EFCAB6: variants seen among roughly 807,000 people sequenced by gnomAD.
EFCAB6 encodes the protein EF-hand calcium binding domain 6, also known as EF-hand calcium-binding domain-containing protein 6.
In EFCAB6, 156 loss-of-function variants were observed where a neutral mutation model predicts 169.8. The observed-to-expected ratio is 0.92, with a 90% confidence interval of 0.81 to 1.05. The LOEUF is 1.05. EFCAB6 is among the 50% of genes least tolerant of loss of function. EFCAB6 has a pLI of 0.00. For synonymous variants in EFCAB6, 698 were observed against 676.4 expected, an observed-to-expected ratio of 1.03 and a Z score of -0.50; for missense variants, 1,800 against 1,829.1, an observed-to-expected ratio of 0.98 and a Z score of 0.29.
intron 20 of EFCAB6, among the ~76,000 whole-genome samples, chr22:43,619,293 T>A (rs2053961809): frequency 6.6e-6 from 1 of 152,218 alleles, no homozygotes; most frequent in South Asian, 2.1e-4. Flanking sequence ...ACGTTAGGAC[T>A]TGCAGTCTAA....
intron 4 of EFCAB6, 25 bp downstream of exon 4, chr22:43,772,867 T>C (rs1346623308): frequency 1.2e-6 from 2 of 1,612,118 alleles, no homozygotes. Context: ...ATTGAGGGAT[T>C]CTAAGTATGT....
At chr22:43,745,837 A>G (rs2060542405) in intron 6 of EFCAB6, among the ~76,000 whole-genome samples, 1 of 152,228 alleles carries the variant, frequency 6.6e-6, no homozygotes, top group Non-Finnish European at 1.5e-5. Flanking sequence ...GAAGGGGGAA[A>G]AAAGAACAAC....
At chr22:43,650,015 C>T (rs1285039914) in intron 17 of EFCAB6, among the ~76,000 whole-genome samples, 1 of 152,172 alleles carries the variant, frequency 6.6e-6, no homozygotes, top group African/African-American at 2.4e-5. Flanking sequence ...CCTTTTCCTC[C>T]CAAAGTATTT....
intron 28 of EFCAB6, 21 bp downstream of exon 28, chr22:43,540,106 C>G: frequency 1.9e-6 from 3 of 1,612,662 alleles, no homozygotes; most frequent in Non-Finnish European, 2.5e-6. Flanking sequence ...CCTGGGACAC[C>G]TGGCAGGATG....
At chr22:43,760,200 T>C (rs1315042986) in intron 5 of EFCAB6, among the ~76,000 whole-genome samples, 2 of 78,524 alleles carry the variant, frequency 2.5e-5, no homozygotes, top group African/African-American at 1.2e-4. Flanking sequence ...CAAGACTCTG[T>C]CTCAAAAAAA....
At chr22:43,666,984 A>C in intron 17 of EFCAB6, 120 bp downstream of exon 17, 1 of 1,252,666 alleles carries the variant, frequency 8.0e-7, no homozygotes, top group Non-Finnish European at 1.1e-6. Context: ...AATTGTTGAA[A>C]GATGCCTAGA....
chr22:43,605,823 A>G (rs182639120), intron 22 of EFCAB6, among the ~76,000 whole-genome samples: 1 of 152,370 alleles, frequency 6.6e-6, no homozygotes, highest in Non-Finnish European at 1.5e-5. Context: ...AAACAATAGC[A>G]GTGAAGAAAA....
intron 10 of EFCAB6, among the ~76,000 whole-genome samples, chr22:43,690,983 T>C (rs2147182677): frequency 6.6e-6 from 1 of 152,154 alleles, no homozygotes; most frequent in East Asian, 1.9e-4. Flanking sequence ...TTATTATTAT[T>C]ACAGCATCTA....
intron 17 of EFCAB6, among the ~76,000 whole-genome samples, chr22:43,657,049 G>C (rs1268488904): frequency 1.3e-5 from 2 of 152,154 alleles, no homozygotes; most frequent in Non-Finnish European, 2.9e-5. Context: ...CAGTACTTCG[G>C]GAGGCTGAGG....
intron 22 of EFCAB6, among the ~76,000 whole-genome samples, chr22:43,605,126 C>G (rs1189012395): frequency 6.6e-6 from 1 of 152,216 alleles, no homozygotes; most frequent in African/African-American, 2.4e-5. Context: ...GCCTGGCCTT[C>G]CAACTGAAAC....
At chr22:43,538,400 TTTG>T (rs1208025171) in intron 28 of EFCAB6, among the ~76,000 whole-genome samples, 1 of 152,138 alleles carries the variant, frequency 6.6e-6, no homozygotes, top group Non-Finnish European at 1.5e-5. Flanking sequence ...TGTTTTTTTT[TTTG>T]TTTTGAAATG....
chr22:43,752,361 G>A (rs1194143952), intron 6 of EFCAB6, among the ~76,000 whole-genome samples: 1 of 151,982 alleles, frequency 6.6e-6, no homozygotes, highest in Non-Finnish European at 1.5e-5. Context: ...CAGGTGATTC[G>A]CCTGCCTCGG....
chr22:43,550,104 G>T (rs923564734), intron 27 of EFCAB6, among the ~76,000 whole-genome samples: 2 of 152,208 alleles, frequency 1.3e-5, no homozygotes, highest in Admixed American at 1.3e-4. Flanking sequence ...ACGGGCAGGG[G>T]CCGGCAGAAG....
intron 6 of EFCAB6, among the ~76,000 whole-genome samples, chr22:43,752,920 G>C (rs930673653): frequency 6.6e-6 from 1 of 152,146 alleles, no homozygotes; most frequent in African/African-American, 2.4e-5. Context: ...CCACAGCAAG[G>C]GTTTTAGTGG....
At chr22:43,737,729 TCA>T (rs151256302) in intron 6 of EFCAB6, among the ~76,000 whole-genome samples, 12 of 136,620 alleles carry the variant, frequency 8.8e-5, no homozygotes, top group South Asian at 4.7e-4. Flanking sequence ...ACACATATAT[TCA>T]CACACACACA....
At chr22:43,674,861 C>T (rs958260179) in intron 13 of EFCAB6, among the ~76,000 whole-genome samples, 1 of 151,982 alleles carries the variant, frequency 6.6e-6, no homozygotes, top group East Asian at 1.9e-4. Flanking sequence ...AAGAGTCGAC[C>T]GCAGGTGCAC....
chr22:43,674,906 C>T (rs1351849868), intron 13 of EFCAB6, among the ~76,000 whole-genome samples: 3 of 152,090 alleles, frequency 2.0e-5, no homozygotes, highest in East Asian at 1.9e-4. Flanking sequence ...CACTTGATTC[C>T]GTGGCCACTA....
intron 26 of EFCAB6, among the ~76,000 whole-genome samples, chr22:43,561,961 C>T (rs569523519): frequency 5.3e-4 from 80 of 152,248 alleles, no homozygotes; most frequent in Middle Eastern, 3.4e-3. Context: ...GGCGGGGGCT[C>T]GGCTGGGCCC....
At chr22:43,576,774 C>A (rs890741288) in intron 25 of EFCAB6, among the ~76,000 whole-genome samples, 1 of 152,176 alleles carries the variant, frequency 6.6e-6, no homozygotes, top group Admixed American at 6.5e-5. Context: ...CCCAAGCACC[C>A]GTAACCTTCC....
Sources: gnomAD v4.1 joint callset for allele counts (sites outside exome capture counted in the v4.1 genomes callset) on GRCh38, gnomAD v4.1.1 for gene constraint, MANE v1.5 for transcripts, NCBI Gene and HGNC (gene_info 2026-07-23, HGNC 2026-07-21) for gene names.